Variants in KDM7A observed in about 807,000 individuals in gnomAD.
The protein encoded by KDM7A is lysine-specific demethylase 7A.
In KDM7A, 28 loss-of-function variants were observed where a neutral mutation model predicts 114.8. That is an observed-to-expected ratio of 0.24 (90% confidence interval 0.18 to 0.33). KDM7A has a LOEUF of 0.33. Ranked by LOEUF, KDM7A falls within the 10% of genes least tolerant of loss-of-function variation. KDM7A has a pLI of 1.00. For synonymous variants in KDM7A, 423 were observed against 397.8 expected, an observed-to-expected ratio of 1.06 and a Z score of -0.75; for missense variants, 942 against 1,142.5, an observed-to-expected ratio of 0.82 and a Z score of 2.53.
chr7:140,152,469 C>A (rs955790671), intron 1 of KDM7A, among the ~76,000 whole-genome samples: 3 of 151,916 alleles, frequency 2.0e-5, no homozygotes, highest in Non-Finnish European at 2.9e-5. Flanking sequence ...ACTAAAAATA[C>A]AAAAGTTAGC....
chr7:140,102,795 G>A (rs780527310), intron 11 of KDM7A, among the ~76,000 whole-genome samples: 56 of 152,030 alleles, frequency 3.7e-4, no homozygotes, highest in African/African-American at 1.2e-3. Flanking sequence ...TTCTTTTCAC[G>A]TACATATTTG....
intron 1 of KDM7A, among the ~76,000 whole-genome samples, chr7:140,140,592 G>C (rs1362927858): frequency 6.6e-6 from 1 of 152,048 alleles, no homozygotes; most frequent in East Asian, 1.9e-4. Context: ...TGGCCAACAT[G>C]GGGAAACCCC....
intron 12 of KDM7A, among the ~76,000 whole-genome samples, chr7:140,100,669 T>TATATATATACAC (rs1818188154): frequency 4.5e-5 from 2 of 44,444 alleles, no homozygotes; most frequent in South Asian, 6.8e-4. Context: ...GTTATATATA[T>TATATATATACAC]ATATATATAT....
intron 11 of KDM7A, among the ~76,000 whole-genome samples, chr7:140,108,565 G>C (rs1429151511): frequency 6.6e-6 from 1 of 152,196 alleles, no homozygotes; most frequent in Non-Finnish European, 1.5e-5. Context: ...GTTTGCCTGG[G>C]TATCACCAGC....
chr7:140,097,146 A>C, intron 15 of KDM7A, 99 bp from the exon 16 acceptor site: 1 of 810,020 alleles, frequency 1.2e-6, no homozygotes, highest in South Asian at 1.9e-5. Flanking sequence ...GAAAGTCAGA[A>C]TCTTAATTAT....
intron 12 of KDM7A, among the ~76,000 whole-genome samples, chr7:140,100,421 AC>A (rs746776463): frequency 8.6e-5 from 13 of 151,734 alleles, no homozygotes; most frequent in Non-Finnish European, 1.5e-4. Context: ...TTCATCTAAT[AC>A]CTAGTCAGCA....
At chr7:140,109,561 T>A (rs1818399734) in intron 11 of KDM7A, among the ~76,000 whole-genome samples, 1 of 152,250 alleles carries the variant, frequency 6.6e-6, no homozygotes, top group Non-Finnish European at 1.5e-5. Flanking sequence ...CAAATACCTG[T>A]TTGAGTCCCT....
chr7:140,172,449 C>G (rs907135562), intron 1 of KDM7A, among the ~76,000 whole-genome samples: 8 of 151,794 alleles, frequency 5.3e-5, no homozygotes, highest in Admixed American at 2.0e-4. Flanking sequence ...GTCAGGAGAT[C>G]GAGACCATCC....
chr7:140,154,391 C>T (rs965572723), intron 1 of KDM7A, among the ~76,000 whole-genome samples: 53 of 149,836 alleles, frequency 3.5e-4, no homozygotes, highest in African/African-American at 1.3e-3. Context: ...CTACTCAGGA[C>T]GCTAAGGTGG....
chr7:140,152,267 T>A (rs891144850), intron 1 of KDM7A, among the ~76,000 whole-genome samples: 2 of 152,162 alleles, frequency 1.3e-5, no homozygotes, highest in African/African-American at 4.8e-5. Context: ...ACCACAAAAA[T>A]CTTGACATAA....
intron 10 of KDM7A, among the ~76,000 whole-genome samples, chr7:140,111,528 A>C (rs1162237644): frequency 6.6e-6 from 1 of 152,232 alleles, no homozygotes; most frequent in East Asian, 1.9e-4. Context: ...TTTAATTCAT[A>C]ATGCATAAGG....
intron 11 of KDM7A, among the ~76,000 whole-genome samples, chr7:140,107,270 C>T (rs929275580): frequency 1.8e-4 from 28 of 152,172 alleles, no homozygotes; most frequent in Non-Finnish European, 1.0e-4. Context: ...AGCCCATCTA[C>T]ATTTAAGGTT....
intron 1 of KDM7A, among the ~76,000 whole-genome samples, chr7:140,151,191 G>A (rs948293692): frequency 1.3e-5 from 2 of 152,168 alleles, no homozygotes; most frequent in Non-Finnish European, 2.9e-5. Flanking sequence ...TCTCAGCAGA[G>A]AAATGGCACT....
chr7:140,111,605 T>C (rs1450301739), intron 10 of KDM7A, among the ~76,000 whole-genome samples: 1 of 152,226 alleles, frequency 6.6e-6, no homozygotes, highest in African/African-American at 2.4e-5. Context: ...TTTGAATAAA[T>C]TTTTGTACTT....
At chr7:140,135,290 G>A (rs942513923) in intron 2 of KDM7A, among the ~76,000 whole-genome samples, 4 of 145,984 alleles carry the variant, frequency 2.7e-5, no homozygotes, top group South Asian at 2.2e-4. Flanking sequence ...TGCAACCTCC[G>A]CCTCCCAGGT....
At chr7:140,131,010 C>T (rs1165571943) in intron 3 of KDM7A, among the ~76,000 whole-genome samples, 5 of 146,646 alleles carry the variant, frequency 3.4e-5, no homozygotes, top group Non-Finnish European at 7.5e-5. Flanking sequence ...CCCGCCACCA[C>T]GCCTGGCTAA....
At chr7:140,100,992 C>T (rs1818217153) in intron 12 of KDM7A, among the ~76,000 whole-genome samples, 1 of 151,226 alleles carries the variant, frequency 6.6e-6, no homozygotes, top group Admixed American at 6.6e-5. Context: ...TCGTGATCCA[C>T]CCGCCTCGGC....
At chr7:140,121,708 G>A (rs570075132) in intron 7 of KDM7A, among the ~76,000 whole-genome samples, 4 of 152,090 alleles carry the variant, frequency 2.6e-5, no homozygotes, top group African/African-American at 7.2e-5. Flanking sequence ...TGCATCACTC[G>A]GGACTGCCAA....
rs1451874118 is a variant in KDM7A, at chr7:140,127,524, G to T, written c.619C>A (p.Leu207Ile). ...VARQADSKMTLHNYVKYFMNP... is the reference protein window; with the variant it reads ...VARQADSKMTIHNYVKYFMNP... ...ATGAAGTATTTAACATAATTGTGAA[G>T]TGTCATTTTGCTGTCTGCCTGCCTC... Residue 207 changes from leucine to isoleucine, a missense_variant, in exon 5 of 20, where the codon CTT becomes ATT. Physicochemically the swap from Leu to Ile is conservative, Grantham distance 5 (BLOSUM62 2). Coordinates refer to ENST00000397560, the MANE Select transcript of KDM7A (RefSeq NM_030647.2). 1 of 1,613,532 alleles carries T rather than the reference G, an allele frequency of 6.2e-7. No homozygotes were observed. The highest frequency in any genetic ancestry group is 1.7e-5 in the Admixed American group (1 of 60,000).
Sources: allele counts gnomAD v4.1 joint callset (sites outside exome capture counted in the v4.1 genomes callset), GRCh38; gene constraint gnomAD v4.1.1; transcripts MANE v1.5; gene names NCBI Gene and HGNC (gene_info 2026-07-23, HGNC 2026-07-21).